GSG1L: variants seen among roughly 807,000 people sequenced by gnomAD.
The protein encoded by GSG1L is germ cell-specific gene 1-like protein.
In GSG1L, 24 loss-of-function variants were observed where a neutral mutation model predicts 42.1. The ratio of observed to expected loss-of-function variants is 0.57; its 90% CI spans 0.41 to 0.80. The LOEUF (loss-of-function observed/expected upper bound fraction) is 0.80, where lower values mean the gene tolerates loss of function less well. Among genes scored for constraint, GSG1L ranks in the 30% least tolerant of loss-of-function variants. The pLI is 0.00. For synonymous variants in GSG1L, 215 were observed against 203.5 expected (o/e 1.06, Z -0.48); for missense variants, 445 against 472.2 (o/e 0.94, Z 0.53).
At chr16:27,850,425 G>T in intron 3 of GSG1L, 1 of 440,752 alleles carries the variant, frequency 2.3e-6, no homozygotes, top group East Asian at 7.1e-5. Context: ...ACTTAAATGC[G>T]TGAATCATCT....
intron 1 of GSG1L, among the ~76,000 whole-genome samples, chr16:28,054,966 G>A (rs1368742553): frequency 6.6e-6 from 1 of 152,052 alleles, no homozygotes. Flanking sequence ...ACTACACAGC[G>A]GTTGCCCAGC....
intron 1 of GSG1L, among the ~76,000 whole-genome samples, chr16:28,016,062 C>A (rs374696569): frequency 4.6e-5 from 7 of 152,198 alleles, no homozygotes; most frequent in Admixed American, 2.6e-4. Context: ...ACAGCCTCGG[C>A]TCACTGCAGC....
At chr16:27,832,859 G>C (rs1054781824) in intron 4 of GSG1L, among the ~76,000 whole-genome samples, 2 of 152,130 alleles carry the variant, frequency 1.3e-5, no homozygotes, top group Admixed American at 6.5e-5. Context: ...GTATATCCTA[G>C]AGATTAGTTC....
chr16:28,042,786 C>T (rs2086121644), intron 1 of GSG1L, among the ~76,000 whole-genome samples: 1 of 152,182 alleles, frequency 6.6e-6, no homozygotes. Context: ...TTCACGAAAG[C>T]ATGTGTTTGC....
chr16:28,021,747 T>A (rs1305015688), intron 1 of GSG1L, among the ~76,000 whole-genome samples: 1 of 152,232 alleles, frequency 6.6e-6, no homozygotes, highest in Non-Finnish European at 1.5e-5. Context: ...AACCCTTTTT[T>A]TTCCTAATCA....
chr16:27,942,435 C>A (rs1393510793), intron 2 of GSG1L, among the ~76,000 whole-genome samples: 1 of 152,140 alleles, frequency 6.6e-6, no homozygotes, highest in East Asian at 1.9e-4. Flanking sequence ...TAGACGTGAG[C>A]CACCGCACCT....
At chr16:28,021,546 C>A (rs1239595833) in intron 1 of GSG1L, among the ~76,000 whole-genome samples, 1 of 152,156 alleles carries the variant, frequency 6.6e-6, no homozygotes, top group African/African-American at 2.4e-5. Flanking sequence ...GGAACTCCAG[C>A]AAATAGGTCT....
At chr16:27,858,603 C>A (rs756901405) in intron 3 of GSG1L, among the ~76,000 whole-genome samples, 2 of 152,160 alleles carry the variant, frequency 1.3e-5, no homozygotes, top group Non-Finnish European at 2.9e-5. Context: ...AAGGTCCCTG[C>A]CCTCAAGGAG....
rs575018628 is a variant in GSG1L at position 27,791,151 on chromosome 16, C to G, written c.*219G>C. On this transcript the variant is annotated 3_prime_UTR_variant, in exon 7 of 7. Coordinates refer to ENST00000447459, the MANE Select transcript of GSG1L (RefSeq NM_001109763.2). ...CCGGGGCTGCTGTCCCAAAGTCACT[C>G]TGTGCAGCCCTGTGCATTCCCTTGG... 59 of 385,886 alleles carry G rather than the reference C, an allele frequency of 1.5e-4. No homozygotes were observed. The highest frequency in any genetic ancestry group is 5.8e-4 in the Admixed American group (13 of 22,236). The allele number at this position is 385,886 out of a possible 1,614,324, so 23.9% of individuals were successfully genotyped here. A position where few individuals can be genotyped will look rare whatever the true frequency, so the allele number is the denominator to read the frequency against.
At chr16:27,965,173 C>T (rs1418486818) in intron 1 of GSG1L, among the ~76,000 whole-genome samples, 4 of 151,984 alleles carry the variant, frequency 2.6e-5, no homozygotes, top group African/African-American at 4.8e-5. Flanking sequence ...CACCCACCAT[C>T]ACGCCCAGCC....
At chr16:27,824,938 G>A (rs2083192300) in intron 5 of GSG1L, among the ~76,000 whole-genome samples, 1 of 152,254 alleles carries the variant, frequency 6.6e-6, no homozygotes, top group Non-Finnish European at 1.5e-5. Flanking sequence ...CTTGCTGAGT[G>A]CCCACTTCGG....
At chr16:27,999,455 T>C (rs766142921) in intron 1 of GSG1L, among the ~76,000 whole-genome samples, 43 of 152,206 alleles carry the variant, frequency 2.8e-4, no homozygotes, top group Admixed American at 1.0e-3. Flanking sequence ...TATTTTACCA[T>C]GGAGTGCACT....
chr16:27,838,224 C>G (rs183571564), intron 4 of GSG1L, among the ~76,000 whole-genome samples: 1 of 152,178 alleles, frequency 6.6e-6, no homozygotes, highest in South Asian at 2.1e-4. Flanking sequence ...TCAGTAAATA[C>G]TTGTGGAATG....
At chr16:28,043,585 G>T (rs2086132864) in intron 1 of GSG1L, among the ~76,000 whole-genome samples, 1 of 152,230 alleles carries the variant, frequency 6.6e-6, no homozygotes, top group Admixed American at 6.5e-5. Context: ...GTATGAAATA[G>T]TAGGAACTGG....
At chr16:27,800,865 C>T (rs1052264119) in intron 6 of GSG1L, among the ~76,000 whole-genome samples, 4 of 152,206 alleles carry the variant, frequency 2.6e-5, no homozygotes, top group Non-Finnish European at 4.4e-5. Flanking sequence ...GTTCTCATGG[C>T]ACTTGGTGGA....
intron 2 of GSG1L, among the ~76,000 whole-genome samples, chr16:27,897,680 C>T (rs1457315517): frequency 3.3e-5 from 5 of 152,194 alleles, no homozygotes; most frequent in Admixed American, 3.3e-4. Flanking sequence ...GCCCCTAGAT[C>T]GACCTTAGCA....
chr16:27,835,495 A>C (rs970130722), intron 4 of GSG1L, among the ~76,000 whole-genome samples: 3 of 152,022 alleles, frequency 2.0e-5, no homozygotes, highest in East Asian at 1.9e-4. Flanking sequence ...AACCATTTAC[A>C]TTTAAAGTGA....
chr16:28,019,226 G>C (rs1289311452), intron 1 of GSG1L, among the ~76,000 whole-genome samples: 4 of 152,190 alleles, frequency 2.6e-5, no homozygotes, highest in Non-Finnish European at 5.9e-5. Context: ...AGACCCTGCT[G>C]ATAAAACAGC....
intron 1 of GSG1L, among the ~76,000 whole-genome samples, chr16:28,037,393 C>T (rs1408136670): frequency 6.6e-6 from 1 of 152,210 alleles, no homozygotes; most frequent in East Asian, 1.9e-4. Flanking sequence ...GAAGAAAACA[C>T]AGCCTCAGTT....
Sources: allele counts gnomAD v4.1 joint callset (sites outside exome capture counted in the v4.1 genomes callset), GRCh38; gene constraint gnomAD v4.1.1; transcripts MANE v1.5; gene names NCBI Gene and HGNC (gene_info 2026-07-23, HGNC 2026-07-21).